Variants in ITPK1 observed in about 807,000 individuals in gnomAD.
The protein encoded by ITPK1 is inositol-tetrakisphosphate 1-kinase.
In ITPK1, 21 loss-of-function variants were observed where a neutral mutation model predicts 45.3. That is an observed-to-expected ratio of 0.46 (90% confidence interval 0.33 to 0.67). The LOEUF (loss-of-function observed/expected upper bound fraction) is 0.67. ITPK1 is among the 30% of genes least tolerant of loss of function. The pLI is 0.02. For missense variants in ITPK1, 474 were observed against 573.5 expected (o/e 0.83, Z 1.77); for synonymous variants, 258 against 253.6 (o/e 1.02, Z -0.16).
chr14:92,953,300 G>A (rs1169204180), intron 8 of ITPK1, among the ~76,000 whole-genome samples: 4 of 152,234 alleles, frequency 2.6e-5, no homozygotes, highest in Non-Finnish European at 5.9e-5. Flanking sequence ...TGGTGTGCCC[G>A]ACAGTCCTCC....
chr14:93,112,360 C>G (rs1016171357), intron 2 of ITPK1, among the ~76,000 whole-genome samples: 4 of 151,976 alleles, frequency 2.6e-5, no homozygotes, highest in Non-Finnish European at 5.9e-5. Flanking sequence ...TTTTACAAGG[C>G]CGGACATTCA....
At chr14:92,992,039 A>T (rs1173160761) in intron 5 of ITPK1, among the ~76,000 whole-genome samples, 1 of 152,210 alleles carries the variant, frequency 6.6e-6, no homozygotes, top group Non-Finnish European at 1.5e-5. Flanking sequence ...CACGTGGCTA[A>T]CAAGAGCCCA....
intron 2 of ITPK1, among the ~76,000 whole-genome samples, chr14:93,082,176 G>A (rs1391507704): frequency 6.6e-6 from 1 of 152,154 alleles, no homozygotes; most frequent in African/African-American, 2.4e-5. Flanking sequence ...TTGGGAAAAG[G>A]GTAAAGGAAA....
At chr14:93,064,526 C>T (rs1890668303) in intron 3 of ITPK1, among the ~76,000 whole-genome samples, 2 of 152,146 alleles carry the variant, frequency 1.3e-5, no homozygotes, top group Admixed American at 1.3e-4. Context: ...CCCACCGGAA[C>T]CCTGGGAGCC....
intron 4 of ITPK1, among the ~76,000 whole-genome samples, chr14:93,009,622 G>A (rs1440968396): frequency 6.6e-6 from 1 of 152,220 alleles, no homozygotes; most frequent in Non-Finnish European, 1.5e-5. Context: ...TCCACCACAG[G>A]AGGAGTCGCC....
At chr14:93,031,570 T>G (rs118049040) in intron 3 of ITPK1, among the ~76,000 whole-genome samples, 4,151 of 152,172 alleles carry the variant, frequency 0.027, 95 homozygotes, top group Admixed American at 0.085. Flanking sequence ...TGACTTGCTG[T>G]GGGACCTCGA....
chr14:93,079,763 G>A (rs1270433901), intron 2 of ITPK1, among the ~76,000 whole-genome samples: 1 of 152,220 alleles, frequency 6.6e-6, no homozygotes, highest in African/African-American at 2.4e-5. Flanking sequence ...GCCATAACCA[G>A]AAAGTTCAGA....
At position 92,958,914 on chromosome 14, in the gene ITPK1, A is replaced by G. The variant is rs989699345; in HGVS notation, c.505-548T>C. 6.6e-6 allele frequency among the ~76,000 whole-genome samples: 1 copy of G among 152,152 alleles called. No individual in the cohort carries two copies. The highest frequency in any genetic ancestry group is 1.5e-5 in the Non-Finnish European group (1 of 68,024). ...TCCCTCACAATGCACATCTGAGGTG[A>G]GCATACAACCTTTCACAGATGAGGA... On this transcript the variant is annotated intron_variant, in intron 7 of 10. Coordinates refer to ENST00000267615, the MANE Select transcript of ITPK1 (RefSeq NM_014216.6). The surrounding 1 kb of genome is among the most constrained non-coding windows in gnomAD (Gnocchi z 4.4).
chr14:92,944,677 A>G (rs7152678), intron 10 of ITPK1, among the ~76,000 whole-genome samples: 1,717 of 152,000 alleles, frequency 0.011, 41 homozygotes, highest in African/African-American at 0.039. Flanking sequence ...CACTCAAAAC[A>G]TGCTCCGTGG....
At position 93,007,970 on chromosome 14, in the gene ITPK1, G is replaced by A. The variant is rs189425589; in HGVS notation, c.246+8706C>T. Among the ~76,000 whole-genome samples the A allele has an allele frequency of 4.3e-4, 66 of 152,298 alleles. 1 individual carries two copies. The highest frequency in any genetic ancestry group is 3.8e-4 in the Non-Finnish European group (26 of 68,024). On this transcript the variant is annotated intron_variant, in intron 4 of 10. Transcript: ENST00000267615. The stretch of plus-strand genomic sequence containing the variant: ...TTGTGTCCTCAAAGAGCTACCCAGC[G>A]CTCCCAGGAGGCCACCAGGCCCAGG...
chr14:92,957,724 T>C (rs1884817859), intron 8 of ITPK1, among the ~76,000 whole-genome samples: 1 of 152,356 alleles, frequency 6.6e-6, no homozygotes, highest in Non-Finnish European at 1.5e-5. Context: ...TGATTTACCC[T>C]GGCAGCTATG....
intron 2 of ITPK1, among the ~76,000 whole-genome samples, chr14:93,105,608 G>A (rs1251766171): frequency 4.3e-5 from 6 of 140,756 alleles, no homozygotes; most frequent in South Asian, 2.4e-4. Context: ...CACAACCTCC[G>A]CCTCCTGAGT....
chr14:93,005,968 A>G (rs1054605255), intron 4 of ITPK1, among the ~76,000 whole-genome samples: 2 of 152,186 alleles, frequency 1.3e-5, no homozygotes, highest in Non-Finnish European at 2.9e-5. Flanking sequence ...GGGGCTGTGC[A>G]GCGAGGAAGA....
At chr14:93,056,266 G>A (rs1302133176) in intron 3 of ITPK1, among the ~76,000 whole-genome samples, 1 of 152,198 alleles carries the variant, frequency 6.6e-6, no homozygotes, top group African/African-American at 2.4e-5. Context: ...AGATCACAGG[G>A]AGGACGGTGG....
chr14:92,958,379 G>C lies in ITPK1; in HGVS notation c.505-13C>G, dbSNP rs1337932792. 1 of 1,613,658 alleles carries C rather than the reference G, an allele frequency of 6.2e-7. No homozygotes were observed. Among genetic ancestry groups the C allele is most frequent in the African/African-American group, 1.3e-5 (1 of 74,930 alleles). On this transcript the variant is annotated splice_polypyrimidine_tract_variant and intron_variant, in intron 7 of 10. Coordinates refer to ENST00000267615, the MANE Select transcript of ITPK1 (RefSeq NM_014216.6). The surrounding 1 kb of genome is among the most constrained non-coding windows in gnomAD (Gnocchi z 4.4). ...ACACGATAGCCATCTGGGAAGACAA[G>C]GGGTCAAAAGCTCTGTCAGAATCCA...
chr14:92,953,530 C>T (rs1888058531), intron 8 of ITPK1, among the ~76,000 whole-genome samples: 1 of 152,250 alleles, frequency 6.6e-6, no homozygotes, highest in Non-Finnish European at 1.5e-5. Context: ...GAACGCTGCC[C>T]ACCTTCTCAT....
chr14:93,025,067 AG>A (rs1888671226), intron 3 of ITPK1, among the ~76,000 whole-genome samples: 1 of 152,194 alleles, frequency 6.6e-6, no homozygotes, highest in Non-Finnish European at 1.5e-5. Flanking sequence ...CCTAGCTGGC[AG>A]GCCTCAAGTT....
chr14:93,009,279 T>C (rs1370311833), intron 4 of ITPK1, among the ~76,000 whole-genome samples: 2 of 152,204 alleles, frequency 1.3e-5, no homozygotes, highest in Admixed American at 6.5e-5. Context: ...TTGATAAACA[T>C]TGATATTTCT....
chr14:93,102,727 C>T (rs1017667999), intron 2 of ITPK1, among the ~76,000 whole-genome samples: 1 of 152,112 alleles, frequency 6.6e-6, no homozygotes, highest in Non-Finnish European at 1.5e-5. Context: ...GAGGCTGAGA[C>T]GGGCGATCGA....
Sources: allele counts gnomAD v4.1 joint callset (sites outside exome capture counted in the v4.1 genomes callset), GRCh38; gene constraint gnomAD v4.1.1; non-coding constraint Gnocchi (gnomAD v3.1); transcripts MANE v1.5; gene names NCBI Gene and HGNC (gene_info 2026-07-23, HGNC 2026-07-21).